The following PDGFD variants were observed in gnomAD, a reference collection of about 807,000 sequenced individuals.
The protein encoded by PDGFD is platelet-derived growth factor D.
Under a neutral mutation model 44.7 loss-of-function variants are expected in PDGFD, and 30 were observed. The ratio of observed to expected loss-of-function variants is 0.67; its 90% CI spans 0.50 to 0.91. The LOEUF is 0.91. Ranked by LOEUF, PDGFD falls within the 40% of genes least tolerant of loss-of-function variation. PDGFD has a pLI of 0.00. For missense variants in PDGFD, 445 were observed against 457.8 expected (o/e 0.97, Z 0.25); for synonymous variants, 173 against 168.4 (o/e 1.03, Z -0.21).
chr11:104,043,147 A>G lies in PDGFD; in HGVS notation c.125-42892T>C, dbSNP rs1039948216. Among the ~76,000 whole-genome samples the G allele has an allele frequency of 3.3e-5, 5 of 152,218 alleles. No homozygotes were observed. The East Asian group carries it at 5.8e-4, about 18-fold the overall frequency. On this transcript the variant is annotated intron_variant, in intron 1 of 6. Transcript: ENST00000393158. ...ATAATGTTTAACTCAGTACTGAATC[A>G]CAAAATATAGAATATGGAGTAGAGG...
intron 6 of PDGFD, among the ~76,000 whole-genome samples, chr11:103,918,662 G>A (rs1269363985): frequency 3.3e-5 from 5 of 152,158 alleles, no homozygotes; most frequent in Admixed American, 3.3e-4. Flanking sequence ...CTGATAAGAA[G>A]AGAAAAATGA....
intron 1 of PDGFD, among the ~76,000 whole-genome samples, chr11:104,095,835 C>T (rs899126340): frequency 2.0e-5 from 3 of 152,156 alleles, no homozygotes; most frequent in Non-Finnish European, 2.9e-5. Context: ...CTCTAATATC[C>T]TATTTATCTC....
intron 3 of PDGFD, among the ~76,000 whole-genome samples, chr11:103,975,140 C>T (rs183089120): frequency 3.7e-4 from 56 of 152,332 alleles, no homozygotes; most frequent in Non-Finnish European, 3.8e-4. Context: ...TATTTCTCCA[C>T]ATCCTCTCCA....
intron 1 of PDGFD, among the ~76,000 whole-genome samples, chr11:104,073,193 T>C (rs774328243): frequency 6.6e-6 from 1 of 152,174 alleles, no homozygotes; most frequent in Admixed American, 6.5e-5. Flanking sequence ...CAATTGAAGA[T>C]AGTTCATGCT....
At chr11:104,065,785 T>A (rs1172084999) in intron 1 of PDGFD, among the ~76,000 whole-genome samples, 1 of 152,156 alleles carries the variant, frequency 6.6e-6, no homozygotes, top group East Asian at 1.9e-4. Context: ...AGTATTTACT[T>A]CTCTGAATAT....
intron 1 of PDGFD, among the ~76,000 whole-genome samples, chr11:104,052,535 T>C (rs1311134685): frequency 6.6e-6 from 1 of 152,120 alleles, no homozygotes; most frequent in East Asian, 1.9e-4. Flanking sequence ...CCTGGCATGC[T>C]AGCTACCAGG....
chr11:104,113,336 T>C (rs1176995593), intron 1 of PDGFD, among the ~76,000 whole-genome samples: 1 of 152,044 alleles, frequency 6.6e-6, no homozygotes, highest in African/African-American at 2.4e-5. Flanking sequence ...TTGGCAAGGA[T>C]GGGGGAGGGG....
intron 1 of PDGFD, among the ~76,000 whole-genome samples, chr11:104,031,991 C>T (rs1008804914): frequency 7.9e-5 from 12 of 151,884 alleles, no homozygotes; most frequent in African/African-American, 1.5e-4. Context: ...TGGGGTCTGT[C>T]GGGAGAGGGC....
chr11:104,034,799 C>T (rs764411224), intron 1 of PDGFD, among the ~76,000 whole-genome samples: 19 of 152,052 alleles, frequency 1.2e-4, no homozygotes, highest in Admixed American at 2.0e-4. Flanking sequence ...CCCACCACAA[C>T]GCCTGGCTAA....
rs61892485 is a variant in PDGFD at position 104,129,877 on chromosome 11, C to T, written c.124+33927G>A. Reference sequence around the variant, plus strand: ...CAAAAAAATTAGCCAGGCATGGTGGCGCATGCCTGTAATCCCAGCTACTTG... The same window carrying T: ...CAAAAAAATTAGCCAGGCATGGTGGTGCATGCCTGTAATCCCAGCTACTTG... On this transcript the variant is annotated intron_variant, in intron 1 of 6. Transcript: ENST00000393158. 9.5e-3 allele frequency among the ~76,000 whole-genome samples: 1,442 copies of T among 151,658 alleles called. 14 individuals are homozygous for T. The highest frequency in any genetic ancestry group is 0.012 in the Non-Finnish European group (840 of 67,906).
At chr11:103,930,764 T>C (rs942865762) in intron 5 of PDGFD, among the ~76,000 whole-genome samples, 3 of 152,170 alleles carry the variant, frequency 2.0e-5, no homozygotes, top group African/African-American at 4.8e-5. Context: ...GGTGCACCCA[T>C]AGGCACTAAC....
intron 3 of PDGFD, among the ~76,000 whole-genome samples, chr11:103,953,192 C>T (rs538284037): frequency 6.6e-6 from 1 of 151,978 alleles, no homozygotes; most frequent in South Asian, 2.1e-4. Flanking sequence ...AAAATGTATA[C>T]ATACAAAATG....
chr11:104,098,902 A>C (rs1861326233), intron 1 of PDGFD, among the ~76,000 whole-genome samples: 1 of 152,206 alleles, frequency 6.6e-6, no homozygotes, highest in Admixed American at 6.6e-5. Context: ...AACTCTGTTC[A>C]GGGAGATCCT....
intron 1 of PDGFD, among the ~76,000 whole-genome samples, chr11:104,082,417 A>T (rs914588799): frequency 3.9e-5 from 6 of 151,930 alleles, no homozygotes. Flanking sequence ...TACAAGAAAG[A>T]TACCATTTTC....
chr11:104,026,969 C>T lies in PDGFD; in HGVS notation c.125-26714G>A, dbSNP rs115989010. Among the ~76,000 whole-genome samples, 445 of 152,318 alleles carry T rather than the reference C, an allele frequency of 2.9e-3. 2 individuals are homozygous for T. The highest frequency in any genetic ancestry group is 0.01 in the African/African-American group (429 of 41,582). On this transcript the variant is annotated intron_variant, in intron 1 of 6. Transcript: ENST00000393158. ...CATATTAACCTGACTTAATATGCTA[C>T]ACTTTTTCACTATTAATTAGATGAA...
intron 1 of PDGFD, among the ~76,000 whole-genome samples, chr11:104,119,777 A>T (rs1390672503): frequency 9.1e-6 from 1 of 109,848 alleles, no homozygotes; most frequent in Non-Finnish European, 1.6e-5. Flanking sequence ...ATGATAAAAT[A>T]TAATATATAA....
intron 6 of PDGFD, among the ~76,000 whole-genome samples, chr11:103,924,545 C>A (rs1858273702): frequency 6.6e-6 from 1 of 152,100 alleles, no homozygotes; most frequent in South Asian, 2.1e-4. Context: ...CCATGTAGGG[C>A]TAAAATAGTG....
Position 104,038,105 on chromosome 11 carries a change from A to T in PDGFD, c.125-37850T>A. On this transcript the variant is annotated intron_variant, in intron 1 of 6. Transcript: ENST00000393158. Reference sequence around the variant, plus strand: ...TTACTGGCAATGTAATCATTAAAAAACATCAGTAACAACTAAACCTGGCCT... The same window carrying T: ...TTACTGGCAATGTAATCATTAAAAATCATCAGTAACAACTAAACCTGGCCT... 6.2e-6 allele frequency: 8 copies of T among 1,288,472 alleles called. No individual in the cohort carries two copies. The East Asian group carries it at 1.3e-4, about 20-fold the overall frequency. The allele number at this position is 1,288,472 out of a possible 1,614,324, so 79.8% of individuals were successfully genotyped here. A position where few individuals can be genotyped will look rare whatever the true frequency, so the allele number is the denominator to read the frequency against.
At chr11:103,947,070 T>C (rs1004178301) in intron 4 of PDGFD, among the ~76,000 whole-genome samples, 1 of 152,240 alleles carries the variant, frequency 6.6e-6, no homozygotes, top group Non-Finnish European at 1.5e-5. Context: ...ACAAGGTCTG[T>C]TCTTTCTGTG....
Sources: allele counts gnomAD v4.1 joint callset (sites outside exome capture counted in the v4.1 genomes callset), GRCh38; gene constraint gnomAD v4.1.1; transcripts MANE v1.5; gene names NCBI Gene and HGNC (gene_info 2026-07-23, HGNC 2026-07-21).